BTN3A1: variants seen among roughly 807,000 people sequenced by gnomAD.
BTN3A1 encodes the protein butyrophilin subfamily 3 member A1.
BTN3A1 carries 24 observed loss-of-function variants against 43.0 expected under a neutral mutation model. The ratio of observed to expected loss-of-function variants is 0.56; its 90% CI spans 0.40 to 0.78. The LOEUF (loss-of-function observed/expected upper bound fraction) is 0.78, where lower values mean the gene tolerates loss of function less well. Among genes scored for constraint, BTN3A1 ranks in the 30% least tolerant of loss-of-function variants. BTN3A1 has a pLI of 0.00. For synonymous variants in BTN3A1, 181 were observed against 234.7 expected (o/e 0.77, Z 2.09); for missense variants, 533 against 626.2 (o/e 0.85, Z 1.59).
rs749649652 is a variant in BTN3A1 at position 26,413,517 on chromosome 6, C to T, written c.1367C>T (p.Pro456Leu). ...AGAACCAACCTGAAACTTCCTAAGC[C>T]CCCTAAGAAAGTGGGGGTCTTCCTG... The part of the protein sequence containing the change: ...EPRTNLKLPK[P>L]PKKVGVFLDY... Residue 456 changes from proline (P) to leucine (L), a missense_variant, in exon 10 of 10, where the codon CCC becomes CTC. Physicochemically the swap from Pro to Leu is moderately conservative, Grantham distance 98 (BLOSUM62 -3). Transcript: ENST00000289361. The T allele has an allele frequency of 4.3e-6, 7 of 1,614,124 alleles. No individual in the cohort carries two copies. The South Asian group carries it at 6.6e-5, about 15-fold the overall frequency.
chr6:26,411,446 G>C, intron 8 of BTN3A1, 109 bp from the exon 9 acceptor site: 1 of 1,382,450 alleles, frequency 7.2e-7, no homozygotes, highest in Non-Finnish European at 1.0e-6. Flanking sequence ...GCTGGACCCT[G>C]GAAGAGACTC....
At position 26,407,936 on chromosome 6, in the gene BTN3A1, C is replaced by T. The variant is rs1762078941; in HGVS notation, c.699C>T (p.Ala233=). Reference sequence around the variant, plus strand: ...CCCTCCTCGGCCTGGAAAAGACAGCCAGCATTTCCATCGCAGGTCAGTACC... The same window carrying T: ...CCCTCCTCGGCCTGGAAAAGACAGCTAGCATTTCCATCGCAGGTCAGTACC... ...RSSLLGLEKT[A]SISIADPFFR... Residue 233 remains alanine (A), a synonymous_variant, in exon 4 of 10, where the codon GCC becomes GCT. Transcript: ENST00000289361. The T allele has an allele frequency of 1.2e-6, 2 of 1,614,114 alleles. No homozygotes were observed. The highest frequency in any genetic ancestry group is 1.3e-5 in the African/African-American group (1 of 75,038).
chr6:26,405,975 C>T lies in BTN3A1; in HGVS notation c.152C>T (p.Pro51Leu), dbSNP rs139011114. The change falls in exon 3 of 10, where the codon CCC becomes CTC. Residue 51 changes from proline to leucine, a missense_variant. This residue lies in a region of BTN3A1 where 56 missense variants were observed against 67.1 expected (regional missense o/e 0.83). Transcript: ENST00000289361. ...ATGGTGGGTGAAGACGCTGATCTGC[C>T]CTGTCACCTGTTCCCGACCATGAGT... Reference protein sequence around the residue: ...LAMVGEDADLPCHLFPTMSAE... With the variant: ...LAMVGEDADLLCHLFPTMSAE... 5.6e-6 allele frequency: 9 copies of T among 1,604,866 alleles called. No individual in the cohort carries two copies. The highest frequency in any genetic ancestry group is 4.1e-5 in the African/African-American group (3 of 73,618).
chr6:26,413,410 C>A lies in BTN3A1; in HGVS notation c.1260C>A (p.Gly420=). The A allele has an allele frequency of 6.2e-7, 1 of 1,613,874 alleles. No individual in the cohort carries two copies. Among genetic ancestry groups the A allele is most frequent in the Non-Finnish European group, 8.5e-7 (1 of 1,179,980 alleles). ...GVCSKNVQRK[G]WVKMTPENGF... ...GCAGTAAGAATGTGCAGAGAAAAGG[C>A]TGGGTCAAAATGACACCTGAGAATG... Residue 420 remains glycine (G), a synonymous_variant, in exon 10 of 10, where the codon GGC becomes GGA. Transcript: ENST00000289361.
At position 26,407,918 on chromosome 6, in the gene BTN3A1, C is replaced by T. The variant is rs149149636; in HGVS notation, c.681C>T (p.Leu227=). ...GVSCTIRSSL[L]GLEKTASISI... ...CCTGTACCATCAGAAGTTCCCTCCT[C>T]GGCCTGGAAAAGACAGCCAGCATTT... Residue 227 remains leucine (L), a synonymous_variant, in exon 4 of 10, where the codon CTC becomes CTT. Transcript: ENST00000289361. The T allele has an allele frequency of 6.5e-5, 105 of 1,614,208 alleles. No individual in the cohort carries two copies. Among genetic ancestry groups the T allele is most frequent in the Admixed American group, 5.7e-4 (34 of 60,030 alleles).
chr6:26,411,269 TG>T lies in BTN3A1; in HGVS notation c.991+140del, dbSNP rs565493599. 4.5e-5 allele frequency: 56 copies of T among 1,245,674 alleles called. No individual in the cohort carries two copies. In the South Asian group the frequency reaches 7.1e-4, roughly 16 times the overall value. 77.2% of individuals were successfully genotyped at this position (1,245,674 alleles called of 1,614,324 possible). A position where few individuals can be genotyped will look rare whatever the true frequency, so the allele number is the denominator to read the frequency against. On this transcript the variant is annotated intron_variant, in intron 8 of 9. Coordinates refer to ENST00000289361, the MANE Select transcript of BTN3A1 (RefSeq NM_007048.6). The stretch of plus-strand genomic sequence containing the variant: ...ACCCAAAGACTCAATTTGTGTGTTG[TG>T]GGGGGTTGATTTCTGCTTTTCTGGA...
Position 26,409,415 on chromosome 6 carries a change from C to A in BTN3A1, c.716-118C>A, listed in dbSNP as rs1019484547. The A allele has an allele frequency of 1.4e-5, 13 of 953,814 alleles. No homozygotes were observed. The Admixed American group carries it at 1.8e-4, about 13-fold the overall frequency. 59.1% of individuals were successfully genotyped at this position (953,814 alleles called of 1,614,324 possible). A position where few individuals can be genotyped will look rare whatever the true frequency, so the allele number is the denominator to read the frequency against. On this transcript the variant is annotated intron_variant, in intron 4 of 9. Transcript: ENST00000289361. ...TTTTAGCATGAGAAAGATTATTTAA[C>A]CTCATGAGATAGATTCCGTGCCCTG...
In BTN3A1 at chr6:26,412,039, T is replaced by G. The variant is rs541709941; in HGVS notation, c.1018+458T>G. ...ACATATTTAGGTGATGATTTCAATC[T>G]GTGTTTGTGGGGGTTGAGGTGAAGA... On this transcript the variant is annotated intron_variant, in intron 9 of 9. Transcript: ENST00000289361. The G allele has an allele frequency of 5.8e-4, 127 of 218,310 alleles. 1 individual carries two copies. The highest frequency in any genetic ancestry group is 2.7e-3 in the African/African-American group (120 of 43,682). The allele number at this position is 218,310 out of a possible 1,614,324, so 13.5% of individuals were successfully genotyped here.
intron 9 of BTN3A1, chr6:26,412,906 C>A: frequency 6.8e-7 from 1 of 1,481,056 alleles, no homozygotes; most frequent in South Asian, 1.4e-5. Context: ...CTTGCTGCTT[C>A]CTGAGGCCGC....
chr6:26,413,747 C>T lies in BTN3A1; in HGVS notation c.*55C>T, dbSNP rs56190518. On this transcript the variant is annotated 3_prime_UTR_variant, in exon 10 of 10. Transcript: ENST00000289361. ...CCGAGTGCTGATCATTCCCTAGAGA[C>T]ACCAGTAACCCCGGGCTTAGCTAAC... is the stretch of plus-strand genomic sequence containing the variant. The T allele has an allele frequency of 0.16, 257,629 of 1,605,924 alleles. 21,957 individuals carry two copies. The highest frequency in any genetic ancestry group is 0.23 in the South Asian group (20,639 of 91,030).
intron 7 of BTN3A1, 25 bp from the exon 8 acceptor site, chr6:26,411,084 C>T (rs1395301752): frequency 6.3e-7 from 1 of 1,581,166 alleles, no homozygotes; most frequent in African/African-American, 1.4e-5. Flanking sequence ...GTTCAGGTGA[C>T]ATCTCTATCT....
intron 3 of BTN3A1, 21 bp from the exon 4 acceptor site, chr6:26,407,650 G>C: frequency 6.2e-7 from 1 of 1,610,960 alleles, no homozygotes; most frequent in Non-Finnish European, 8.5e-7. Context: ...CAAGAATTTA[G>C]GCTAATTCAT....
chr6:26,411,780 G>A, intron 9 of BTN3A1, 199 bp downstream of exon 9: 1 of 620,846 alleles, frequency 1.6e-6, no homozygotes, highest in East Asian at 2.9e-5. Context: ...CAGGGAACCA[G>A]GGCGAATAGA....
Position 26,413,859 on chromosome 6 carries a change from C to A in BTN3A1, c.*167C>A. 7.8e-7 allele frequency: 1 copy of A among 1,285,920 alleles called. No individual in the cohort carries two copies. The highest frequency in any genetic ancestry group is 1.1e-6 in the Non-Finnish European group (1 of 915,278). 79.7% of individuals were successfully genotyped at this position (1,285,920 alleles called of 1,614,324 possible). On this transcript the variant is annotated 3_prime_UTR_variant, in exon 10 of 10. Coordinates refer to ENST00000289361, the MANE Select transcript of BTN3A1 (RefSeq NM_007048.6). ...TGAGGGCCTCCCCCTCCACAGCAAC[C>A]AATCACAACCATAAAGCTACAAGCA...
intron 8 of BTN3A1, 88 bp downstream of exon 8, chr6:26,411,223 C>G (rs1207484632): frequency 1.4e-6 from 2 of 1,473,740 alleles, no homozygotes; most frequent in Non-Finnish European, 1.9e-6. Flanking sequence ...TTGATGTTCT[C>G]ATTTGCATGA....
intron 4 of BTN3A1, among the ~76,000 whole-genome samples, chr6:26,409,050 A>G (rs1762114023): frequency 6.6e-6 from 1 of 152,074 alleles, no homozygotes; most frequent in South Asian, 2.1e-4. Context: ...TAATTAGTCT[A>G]AAGTCACACT....
At chr6:26,408,036 C>G in intron 4 of BTN3A1, 84 bp downstream of exon 4, 2 of 1,572,608 alleles carry the variant, frequency 1.3e-6, no homozygotes, top group East Asian at 4.5e-5. Context: ...TGCAGTCAAC[C>G]TGGGTCTCTG....
chr6:26,405,481 G>A lies in BTN3A1; in HGVS notation c.-83G>A. 3 of 1,351,114 alleles carry A rather than the reference G, an allele frequency of 2.2e-6. No individual in the cohort carries two copies. Among genetic ancestry groups the A allele is most frequent in the South Asian group, 1.2e-5 (1 of 85,428 alleles). The allele number at this position is 1,351,114 out of a possible 1,614,324, so 83.7% of individuals were successfully genotyped here. On this transcript the variant is annotated 5_prime_UTR_variant, in exon 2 of 10. Coordinates refer to ENST00000289361, the MANE Select transcript of BTN3A1 (RefSeq NM_007048.6). ...CTTGAGTTAGCTCTAGGGAAGTGGA[G>A]GTTTCCATTTGGAATTCTATAGCTT...
At position 26,409,883 on chromosome 6, in the gene BTN3A1, T is replaced by G. The variant is rs1561847195; in HGVS notation, c.917-11T>G. On this transcript the variant is annotated splice_polypyrimidine_tract_variant and intron_variant, in intron 5 of 9. Coordinates refer to ENST00000289361, the MANE Select transcript of BTN3A1 (RefSeq NM_007048.6). ...TGTAACAGTTCATTATTATTTCTGC[T>G]TATTTTCCAGTGAAGCTCCTGGAGG... 1 of 1,614,180 alleles carries G rather than the reference T, an allele frequency of 6.2e-7. No individual in the cohort carries two copies. The highest frequency in any genetic ancestry group is 8.5e-7 in the Non-Finnish European group (1 of 1,180,022).
Sources: allele counts gnomAD v4.1 joint callset (sites outside exome capture counted in the v4.1 genomes callset), GRCh38; gene constraint gnomAD v4.1.1; regional missense constraint gnomAD v4.1.1; transcripts MANE v1.5; gene names NCBI Gene and HGNC (gene_info 2026-07-23, HGNC 2026-07-21).